Variants in COL25A1 observed in about 807,000 individuals in gnomAD.
The protein encoded by COL25A1 is collagen alpha-1(XXV) chain.
In COL25A1, 103 loss-of-function variants were observed where a neutral mutation model predicts 128.4. The ratio of observed to expected loss-of-function variants is 0.80; its 90% CI spans 0.68 to 0.94. The LOEUF is 0.94. COL25A1 is among the 40% of genes least tolerant of loss of function. COL25A1 has a pLI of 0.00. For synonymous variants in COL25A1, 279 were observed against 277.2 expected, an observed-to-expected ratio of 1.01 and a Z score of -0.06; for missense variants, 745 against 840.0, an observed-to-expected ratio of 0.89 and a Z score of 1.40.
chr4:109,235,147 A>G (rs10018827), intron 3 of COL25A1, among the ~76,000 whole-genome samples: 1 of 151,702 alleles, frequency 6.6e-6, no homozygotes, highest in African/African-American at 2.4e-5. Context: ...TCTCAGGAAT[A>G]AATTTTTGAC....
intron 11 of COL25A1, among the ~76,000 whole-genome samples, chr4:108,929,417 C>T (rs917370331): frequency 6.6e-6 from 1 of 152,054 alleles, no homozygotes; most frequent in Non-Finnish European, 1.5e-5. Flanking sequence ...AGCCACCGCG[C>T]CCGGCTGGTG....
At chr4:108,973,231 T>C (rs1419068942) in intron 8 of COL25A1, among the ~76,000 whole-genome samples, 1 of 152,226 alleles carries the variant, frequency 6.6e-6, no homozygotes, top group African/African-American at 2.4e-5. Context: ...TCCATGACAG[T>C]GGATAACGTG....
chr4:109,186,365 G>A (rs1232086125), intron 3 of COL25A1, among the ~76,000 whole-genome samples: 1 of 151,602 alleles, frequency 6.6e-6, no homozygotes, highest in African/African-American at 2.4e-5. Flanking sequence ...TCAGATATTT[G>A]TATTCTCTGG....
At chr4:108,860,684 CAG>C (rs1737095591) in intron 23 of COL25A1, among the ~76,000 whole-genome samples, 1 of 151,854 alleles carries the variant, frequency 6.6e-6, no homozygotes, top group Non-Finnish European at 1.5e-5. Flanking sequence ...GGAAAGTAGA[CAG>C]GGGGAGTTCT....
intron 6 of COL25A1, among the ~76,000 whole-genome samples, chr4:108,977,196 C>T (rs915427623): frequency 6.6e-6 from 1 of 152,062 alleles, no homozygotes; most frequent in South Asian, 2.1e-4. Flanking sequence ...CTAGTCCCAG[C>T]GTCTCAAGTT....
At chr4:108,970,802 A>AT (rs1751835720) in intron 8 of COL25A1, among the ~76,000 whole-genome samples, 1 of 152,118 alleles carries the variant, frequency 6.6e-6, no homozygotes. Flanking sequence ...TCATGCAGTT[A>AT]TTTATCTTTC....
At chr4:109,037,519 A>G (rs1759462174) in intron 5 of COL25A1, among the ~76,000 whole-genome samples, 1 of 152,242 alleles carries the variant, frequency 6.6e-6, no homozygotes, top group African/African-American at 2.4e-5. Flanking sequence ...CAGAAATGCT[A>G]GCACCAATCA....
chr4:109,057,979 T>G (rs1326445176), intron 3 of COL25A1, among the ~76,000 whole-genome samples: 1 of 152,202 alleles, frequency 6.6e-6, no homozygotes, highest in Admixed American at 6.5e-5. Context: ...ATTTCCGAAC[T>G]GAGTGCAACG....
intron 3 of COL25A1, among the ~76,000 whole-genome samples, chr4:109,196,629 G>C (rs1429419984): frequency 6.6e-6 from 1 of 152,072 alleles, no homozygotes; most frequent in African/African-American, 2.4e-5. Flanking sequence ...CTAAAATTTA[G>C]TGCAGCTCAG....
intron 36 of COL25A1, among the ~76,000 whole-genome samples, chr4:108,818,180 C>T (rs1731425888): frequency 6.6e-6 from 1 of 152,130 alleles, no homozygotes; most frequent in South Asian, 2.1e-4. Flanking sequence ...CATGCTTCTA[C>T]TTTTCCACCA....
At chr4:108,823,176 G>T (rs1397039062) in intron 35 of COL25A1, among the ~76,000 whole-genome samples, 1 of 152,206 alleles carries the variant, frequency 6.6e-6, no homozygotes, top group African/African-American at 2.4e-5. Context: ...ATAGAGCAGG[G>T]ACATAAATTA....
intron 3 of COL25A1, among the ~76,000 whole-genome samples, chr4:109,183,719 C>T (rs948135366): frequency 1.3e-5 from 2 of 151,934 alleles, no homozygotes; most frequent in African/African-American, 4.8e-5. Flanking sequence ...AAATGATAAA[C>T]CTAAAGGCAA....
intron 6 of COL25A1, among the ~76,000 whole-genome samples, chr4:108,998,627 T>C (rs1357189652): frequency 2.6e-5 from 4 of 152,056 alleles, no homozygotes; most frequent in African/African-American, 9.7e-5. Context: ...TTAAACTTCA[T>C]ATGGAATAAA....
At chr4:109,255,740 A>C (rs1357319500) in intron 3 of COL25A1, among the ~76,000 whole-genome samples, 1 of 152,196 alleles carries the variant, frequency 6.6e-6, no homozygotes, top group Non-Finnish European at 1.5e-5. Flanking sequence ...TCTCATTAAA[A>C]CGCTTAGTAA....
chr4:108,931,088 C>T (rs1196430078), intron 11 of COL25A1, among the ~76,000 whole-genome samples: 1 of 152,114 alleles, frequency 6.6e-6, no homozygotes, highest in African/African-American at 2.4e-5. Context: ...GAAGTGACAA[C>T]TAGATAAGTT....
At chr4:108,978,459 CTTCTT>C (rs1752650777) in intron 6 of COL25A1, among the ~76,000 whole-genome samples, 2 of 152,168 alleles carry the variant, frequency 1.3e-5, no homozygotes, top group African/African-American at 4.8e-5. Context: ...AGAAGCCATA[CTTCTT>C]TTCTAAGTCA....
At chr4:109,202,558 T>C (rs1776635096) in intron 3 of COL25A1, among the ~76,000 whole-genome samples, 2 of 152,162 alleles carry the variant, frequency 1.3e-5, no homozygotes, top group African/African-American at 4.8e-5. Flanking sequence ...GACTTGGTCA[T>C]GAATTTTTAG....
At chr4:109,098,910 C>G (rs745457938) in intron 3 of COL25A1, among the ~76,000 whole-genome samples, 28 of 152,108 alleles carry the variant, frequency 1.8e-4, no homozygotes, top group Non-Finnish European at 4.0e-4. Flanking sequence ...ATCAGACTGC[C>G]TTGGTTCACT....
At chr4:108,839,729 A>G (rs1482236145) in intron 31 of COL25A1, among the ~76,000 whole-genome samples, 1 of 152,206 alleles carries the variant, frequency 6.6e-6, no homozygotes, top group Non-Finnish European at 1.5e-5. Flanking sequence ...ATAGATATCT[A>G]TGAGGTCTTT....
Sources: gnomAD v4.1 joint callset for allele counts (sites outside exome capture counted in the v4.1 genomes callset) on GRCh38, gnomAD v4.1.1 for gene constraint, MANE v1.5 for transcripts, NCBI Gene and HGNC (gene_info 2026-07-23, HGNC 2026-07-21) for gene names.